The following KCNK10 variants were observed in gnomAD, a reference collection of about 807,000 sequenced individuals.
The protein encoded by KCNK10 is potassium two pore domain channel subfamily K member 10.
KCNK10 carries 25 observed loss-of-function variants against 47.7 expected under a neutral mutation model. That is an observed-to-expected ratio of 0.52 (90% CI 0.38 to 0.73). The LOEUF is 0.73. KCNK10 is among the 30% of genes least tolerant of loss of function. KCNK10 has a pLI of 0.00. For synonymous variants in KCNK10, 303 were observed against 285.6 expected, an observed-to-expected ratio of 1.06 and a Z score of -0.61; for missense variants, 563 against 714.5, an observed-to-expected ratio of 0.79 and a Z score of 2.42.
chr14:88,287,587 T>C (rs553673400), intron 1 of KCNK10, among the ~76,000 whole-genome samples: 2 of 152,328 alleles, frequency 1.3e-5, no homozygotes, highest in South Asian at 4.1e-4. Flanking sequence ...CCTGAGTTAC[T>C]TCACTTAGAA....
chr14:88,217,028 G>A (rs1885643555), intron 4 of KCNK10, among the ~76,000 whole-genome samples: 1 of 152,102 alleles, frequency 6.6e-6, no homozygotes, highest in South Asian at 2.1e-4. Flanking sequence ...ATGGTGGCAC[G>A]CGCCTGTAGC....
intron 1 of KCNK10, among the ~76,000 whole-genome samples, chr14:88,315,506 G>C (rs17124493): frequency 6.6e-6 from 1 of 151,974 alleles, no homozygotes; most frequent in Non-Finnish European, 1.5e-5. Flanking sequence ...TATTCTGCCT[G>C]TCAGGCTCAT....
intron 1 of KCNK10, among the ~76,000 whole-genome samples, chr14:88,275,031 T>G (rs1187302943): frequency 6.6e-6 from 1 of 152,116 alleles, no homozygotes; most frequent in Non-Finnish European, 1.5e-5. Flanking sequence ...GCTGAAGATC[T>G]GAAGACTCCC....
At chr14:88,198,921 T>TTTTATTTTATTTTATTTTA (rs1398542734) in intron 4 of KCNK10, among the ~76,000 whole-genome samples, 3 of 150,356 alleles carry the variant, frequency 2.0e-5, no homozygotes, top group African/African-American at 7.4e-5. Context: ...TTTTATTTTA[T>TTTTATTTTATTTTATTTTA]TTTATTTTAT....
chr14:88,202,979 C>T (rs1885149750), intron 4 of KCNK10, among the ~76,000 whole-genome samples: 1 of 152,168 alleles, frequency 6.6e-6, no homozygotes, highest in African/African-American at 2.4e-5. Context: ...GAAGGTAAAC[C>T]TTGCCCTTGA....
At chr14:88,248,392 G>T in intron 2 of KCNK10, among the ~76,000 whole-genome samples, 1 of 152,068 alleles carries the variant, frequency 6.6e-6, no homozygotes, top group Non-Finnish European at 1.5e-5. Flanking sequence ...TTACCTTAGG[G>T]CTCTTTGTTG....
At chr14:88,200,055 CTTTT>C (rs1365089342) in intron 4 of KCNK10, among the ~76,000 whole-genome samples, 2 of 144,992 alleles carry the variant, frequency 1.4e-5, no homozygotes, top group Admixed American at 1.4e-4. Context: ...CTTTCTTCTT[CTTTT>C]CTTTCTTTCT....
chr14:88,258,731 C>A (rs1239950387), intron 2 of KCNK10, among the ~76,000 whole-genome samples: 1 of 152,210 alleles, frequency 6.6e-6, no homozygotes, highest in African/African-American at 2.4e-5. Flanking sequence ...TTCATAACAG[C>A]AACCCATCTT....
rs552460466 is a variant in KCNK10, at chr14:88,228,325, A to G, written c.521-790T>C. Among the ~76,000 whole-genome samples, 999 of 148,870 alleles carry G rather than the reference A, an allele frequency of 6.7e-3. 9 individuals are homozygous for G. Among genetic ancestry groups the G allele is most frequent in the African/African-American group, 0.024 (956 of 39,968 alleles). ...ATAGTGCTTTGAAAATACCCGCAGC[A>G]ATCTTAAGAGTACTGCCATTACATA... On this transcript the variant is annotated intron_variant, in intron 3 of 6. Coordinates refer to ENST00000319231, the MANE Select transcript of KCNK10 (RefSeq NM_138317.3).
intron 2 of KCNK10, among the ~76,000 whole-genome samples, chr14:88,256,121 C>T (rs1166916623): frequency 2.0e-5 from 3 of 152,156 alleles, no homozygotes; most frequent in Non-Finnish European, 4.4e-5. Context: ...AGCCCCAGCT[C>T]GGGTTAAGCG....
intron 1 of KCNK10, among the ~76,000 whole-genome samples, chr14:88,295,763 C>T (rs1452496587): frequency 2.0e-5 from 3 of 152,138 alleles, no homozygotes; most frequent in Admixed American, 6.5e-5. Context: ...AACACCTCCA[C>T]TAGTATCAGA....
intron 1 of KCNK10, among the ~76,000 whole-genome samples, chr14:88,287,424 A>G (rs910908569): frequency 2.0e-5 from 3 of 152,160 alleles, no homozygotes; most frequent in African/African-American, 7.2e-5. Context: ...CCATCACCCG[A>G]GCAGTGTACA....
chr14:88,243,079 T>A (rs1380908569), intron 2 of KCNK10, among the ~76,000 whole-genome samples: 1 of 152,180 alleles, frequency 6.6e-6, no homozygotes, highest in Non-Finnish European at 1.5e-5. Context: ...CATCAAAAAA[T>A]CTGAAGAATC....
chr14:88,279,285 T>G (rs1887594732), intron 1 of KCNK10, among the ~76,000 whole-genome samples: 1 of 152,010 alleles, frequency 6.6e-6, no homozygotes, highest in Non-Finnish European at 1.5e-5. Flanking sequence ...TTATTGACCC[T>G]TGTGGCTAAA....
chr14:88,287,688 T>G (rs1430528696), intron 1 of KCNK10, among the ~76,000 whole-genome samples: 1 of 60,380 alleles, frequency 1.7e-5, no homozygotes, highest in Non-Finnish European at 4.9e-5. Context: ...TGTGTGTGTG[T>G]GTGTGTGTGT....
intron 4 of KCNK10, among the ~76,000 whole-genome samples, chr14:88,195,578 A>G (rs1199271623): frequency 1.3e-5 from 2 of 152,128 alleles, no homozygotes; most frequent in Non-Finnish European, 2.9e-5. Flanking sequence ...CTCATTGTCA[A>G]TGACAAAAAA....
rs1043192620 is a variant in KCNK10, at chr14:88,263,428, C to T, written c.176G>A (p.Arg59Lys). 1 of 1,614,064 alleles carries T rather than the reference C, an allele frequency of 6.2e-7. No individual in the cohort carries two copies. The highest frequency in any genetic ancestry group is 1.3e-5 in the African/African-American group (1 of 74,950). ...SISSRATVVA[R>K]MEGTSQGGLQ... ...GCCCCCTTGGGAGGTGCCTTCCATCCTGGCTACCACTGTGGCTCGGGAGGA... is the reference window on the plus strand; with the variant it reads ...GCCCCCTTGGGAGGTGCCTTCCATCTTGGCTACCACTGTGGCTCGGGAGGA... The change falls in exon 2 of 7, where the codon AGG becomes AAG. Residue 59 changes from arginine to lysine, a missense_variant. By Grantham distance (26) the Arg-to-Lys change is conservative. Coordinates refer to ENST00000319231, the MANE Select transcript of KCNK10 (RefSeq NM_138317.3).
intron 1 of KCNK10, among the ~76,000 whole-genome samples, chr14:88,308,110 T>C (rs532493215): frequency 6.6e-6 from 1 of 152,292 alleles, no homozygotes; most frequent in African/African-American, 2.4e-5. Flanking sequence ...CATCTCCACC[T>C]GCAGCCGTGG....
chr14:88,237,120 GA>G (rs1303816368), intron 3 of KCNK10, among the ~76,000 whole-genome samples: 1 of 152,152 alleles, frequency 6.6e-6, no homozygotes, highest in Non-Finnish European at 1.5e-5. Context: ...ATAATATTCT[GA>G]ATTCTTTGTT....
Sources: gnomAD v4.1 joint callset for allele counts (sites outside exome capture counted in the v4.1 genomes callset) on GRCh38, gnomAD v4.1.1 for gene constraint, MANE v1.5 for transcripts, NCBI Gene and HGNC (gene_info 2026-07-23, HGNC 2026-07-21) for gene names.